Variants in MRAP2 observed in about 807,000 individuals in gnomAD.
The protein encoded by MRAP2 is melanocortin 2 receptor accessory protein 2.
MRAP2 carries 20 observed loss-of-function variants against 17.4 expected under a neutral mutation model. That is an observed-to-expected ratio of 1.15 (90% CI 0.81 to 1.67). The LOEUF is 1.67. MRAP2 is among the 40% of genes most tolerant of loss of function. The pLI is 0.00. For missense variants in MRAP2, 238 were observed against 240.0 expected (o/e 0.99, Z 0.05); for synonymous variants, 96 against 88.4 (o/e 1.09, Z -0.48).
chr6:84,117,030 A>G, the MRAP2 span, among the ~76,000 whole-genome samples: 2 of 105,534 alleles, frequency 1.9e-5, no homozygotes, highest in African/African-American at 7.2e-5. Context: ...CTTTCTTTCT[A>G]TTTTTTTCAT....
intron 1 of MRAP2, among the ~76,000 whole-genome samples, chr6:84,050,949 T>G (rs1432469276): frequency 1.3e-5 from 2 of 152,244 alleles, no homozygotes; most frequent in Non-Finnish European, 2.9e-5. Flanking sequence ...GTAGCTGTGC[T>G]GTCAGTTGTG....
At chr6:84,045,911 G>A (rs978454471) in intron 1 of MRAP2, among the ~76,000 whole-genome samples, 9 of 152,200 alleles carry the variant, frequency 5.9e-5, no homozygotes, top group Admixed American at 1.3e-4. Flanking sequence ...TTGGTATTTC[G>A]TTAAGTTACA....
the MRAP2 span, among the ~76,000 whole-genome samples, chr6:84,115,330 C>T: frequency 3.3e-5 from 5 of 152,310 alleles, no homozygotes; most frequent in South Asian, 2.1e-4. Flanking sequence ...GAGCTGCAGT[C>T]GGCTTCACCT....
the MRAP2 span, among the ~76,000 whole-genome samples, chr6:84,114,694 T>C: frequency 1.3e-5 from 2 of 152,220 alleles, no homozygotes; most frequent in Non-Finnish European, 2.9e-5. Context: ...TGCTGATTTC[T>C]CCCCATCTTT....
At chr6:84,145,611 T>G in the MRAP2 span, among the ~76,000 whole-genome samples, 1 of 152,078 alleles carries the variant, frequency 6.6e-6, no homozygotes, top group Non-Finnish European at 1.5e-5. Flanking sequence ...CTGGTCTAGA[T>G]CTCTGTCTAT....
At chr6:84,125,087 T>C in the MRAP2 span, 1 of 1,612,222 alleles carries the variant, frequency 6.2e-7, no homozygotes, top group Non-Finnish European at 8.5e-7. Context: ...TCTGGTGCAT[T>C]CATTTCATCT....
chr6:84,082,126 A>G (rs1013258912), intron 3 of MRAP2, among the ~76,000 whole-genome samples: 2 of 152,198 alleles, frequency 1.3e-5, no homozygotes, highest in African/African-American at 4.8e-5. Context: ...GTTTAAGGTT[A>G]TAGGGCTTCA....
At chr6:84,096,599 C>T in the MRAP2 span, among the ~76,000 whole-genome samples, 1 of 152,042 alleles carries the variant, frequency 6.6e-6, no homozygotes, top group African/African-American at 2.4e-5. Flanking sequence ...GGTTGTGTTC[C>T]ATAAAAGCCT....
rs758732977 is a variant in MRAP2 at position 84,089,296 on chromosome 6, C to A, written c.433C>A (p.Gln145Lys). The change falls in exon 4 of 4, where the codon CAG becomes AAG. Residue 145 changes from glutamine (Q) to lysine (K), a missense_variant. By Grantham distance (53) the Gln-to-Lys change is moderately conservative (BLOSUM62 1). Coordinates refer to ENST00000257776, the MANE Select transcript of MRAP2 (RefSeq NM_138409.4). ...TTALDSDVQL[Q>K]EAIRSSGQPE... ...AGCCCTTGACAGTGACGTCCAACTC[C>A]AGGAAGCCATCAGAAGCAGTGGGCA... 1 of 1,614,208 alleles carries A rather than the reference C, an allele frequency of 6.2e-7. No homozygotes were observed. Among genetic ancestry groups the A allele is most frequent in the Non-Finnish European group, 8.5e-7 (1 of 1,180,038 alleles).
At chr6:84,047,127 G>A (rs1023854155) in intron 1 of MRAP2, among the ~76,000 whole-genome samples, 2 of 151,966 alleles carry the variant, frequency 1.3e-5, no homozygotes, top group Non-Finnish European at 2.9e-5. Context: ...CTCCCCTCAA[G>A]TGCTGTGATT....
chr6:84,073,518 G>C (rs999383108), intron 3 of MRAP2, among the ~76,000 whole-genome samples: 3 of 152,182 alleles, frequency 2.0e-5, no homozygotes, highest in Admixed American at 2.0e-4. Flanking sequence ...TTCTTGCAGT[G>C]GATCTGGAGC....
chr6:84,034,449 T>G (rs1364689347), intron 1 of MRAP2, among the ~76,000 whole-genome samples: 2 of 151,572 alleles, frequency 1.3e-5, no homozygotes, highest in African/African-American at 4.9e-5. Context: ...TAGAGGGAAA[T>G]AGGGGTTTTA....
chr6:84,134,433 C>T, the MRAP2 span, among the ~76,000 whole-genome samples: 17 of 152,202 alleles, frequency 1.1e-4, no homozygotes, highest in Non-Finnish European at 1.0e-4. Context: ...TCTGCCCAAA[C>T]GGCCGCCCAG....
At chr6:84,036,034 T>G (rs2099485875) in intron 1 of MRAP2, among the ~76,000 whole-genome samples, 1 of 152,134 alleles carries the variant, frequency 6.6e-6, no homozygotes, top group East Asian at 1.9e-4. Flanking sequence ...TTATGATGTT[T>G]GTGTAATATA....
At chr6:84,094,099 C>T (rs1207213419), downstream of MRAP2, among the ~76,000 whole-genome samples, 1 of 152,208 alleles carries the variant, frequency 6.6e-6, no homozygotes, top group Non-Finnish European at 1.5e-5. Context: ...GCAAGAGGCT[C>T]TTCTGTGGAT....
At chr6:84,064,429 G>C (rs370245907) in intron 3 of MRAP2, among the ~76,000 whole-genome samples, 1 of 152,162 alleles carries the variant, frequency 6.6e-6, no homozygotes, top group South Asian at 2.1e-4. Flanking sequence ...GAGGGTGGGA[G>C]AGACCTGGGA....
At chr6:84,133,044 T>A in the MRAP2 span, among the ~76,000 whole-genome samples, 1 of 152,278 alleles carries the variant, frequency 6.6e-6, no homozygotes, top group East Asian at 1.9e-4. Flanking sequence ...TTTTGGTGTG[T>A]ATGTCCTTTA....
At chr6:84,132,044 C>T in the MRAP2 span, among the ~76,000 whole-genome samples, 1 of 152,168 alleles carries the variant, frequency 6.6e-6, no homozygotes, top group Admixed American at 6.6e-5. Flanking sequence ...CTGGTGGTGA[C>T]AAAATCTCTC....
At chr6:84,115,767 C>T in the MRAP2 span, among the ~76,000 whole-genome samples, 1 of 152,190 alleles carries the variant, frequency 6.6e-6, no homozygotes, top group African/African-American at 2.4e-5. Flanking sequence ...AAAAGTACAA[C>T]ATCTGGGCTG....
Sources: allele counts gnomAD v4.1 joint callset (sites outside exome capture counted in the v4.1 genomes callset), GRCh38; gene constraint gnomAD v4.1.1; transcripts MANE v1.5; gene names NCBI Gene and HGNC (gene_info 2026-07-23, HGNC 2026-07-21).